SLC8A1: variants seen among roughly 807,000 people sequenced by gnomAD.
SLC8A1 encodes solute carrier family 8 member A1.
In SLC8A1, 18 loss-of-function variants were observed where a neutral mutation model predicts 68.3. The observed-to-expected ratio is 0.26, with a 90% CI of 0.18 to 0.39. SLC8A1 has a LOEUF of 0.39. SLC8A1 is among the 10% of genes least tolerant of loss of function. The pLI is 1.00. For missense variants in SLC8A1, 985 were observed against 1,156.7 expected (o/e 0.85, Z 2.15); for synonymous variants, 475 against 415.5 (o/e 1.14, Z -1.74).
intron 3 of SLC8A1, among the ~76,000 whole-genome samples, chr2:40,176,897 T>A (rs528294279): frequency 3.7e-4 from 57 of 152,278 alleles, no homozygotes; most frequent in Non-Finnish European, 7.1e-4. Context: ...CATTAGAGGA[T>A]AATTATATGA....
At chr2:40,176,719 A>AT (rs1221268296) in intron 3 of SLC8A1, among the ~76,000 whole-genome samples, 2 of 152,122 alleles carry the variant, frequency 1.3e-5, no homozygotes, top group Non-Finnish European at 2.9e-5. Flanking sequence ...TATATATTTT[A>AT]TTTTTCCCTC....
intron 2 of SLC8A1, among the ~76,000 whole-genome samples, chr2:40,396,008 G>A (rs1686783133): frequency 6.6e-6 from 1 of 152,046 alleles, no homozygotes; most frequent in Non-Finnish European, 1.5e-5. Context: ...AAAACACTTG[G>A]CTATGCATTT....
intron 2 of SLC8A1, among the ~76,000 whole-genome samples, chr2:40,201,495 T>C (rs2148712043): frequency 6.6e-6 from 1 of 152,016 alleles, no homozygotes; most frequent in Middle Eastern, 3.4e-3. Context: ...CACAGCAAAA[T>C]TATCTCCAGT....
chr2:40,156,704 C>G, intron 6 of SLC8A1, among the ~76,000 whole-genome samples: 2 of 152,050 alleles, frequency 1.3e-5, no homozygotes, highest in East Asian at 3.8e-4. Flanking sequence ...CTATTTCAAG[C>G]TGCGGCTCCA....
At chr2:40,245,454 T>C (rs1205210961) in intron 2 of SLC8A1, among the ~76,000 whole-genome samples, 1 of 152,208 alleles carries the variant, frequency 6.6e-6, no homozygotes, top group Non-Finnish European at 1.5e-5. Context: ...TTAGTGGCAT[T>C]TTCTCAGGAC....
intron 2 of SLC8A1, among the ~76,000 whole-genome samples, chr2:40,333,502 T>C (rs2076652259): frequency 6.8e-6 from 1 of 148,136 alleles, no homozygotes; most frequent in African/African-American, 2.5e-5. Context: ...CAAGCTAGCA[T>C]AAGAATGTTG....
intron 2 of SLC8A1, among the ~76,000 whole-genome samples, chr2:40,423,412 T>G (rs947816428): frequency 6.6e-6 from 1 of 152,074 alleles, no homozygotes; most frequent in Admixed American, 6.6e-5. Flanking sequence ...GGAGCATATT[T>G]TTTCTATTTC....
rs1339963445 is a variant in SLC8A1 at position 40,307,643 on chromosome 2, A to G, written c.1808+120830T>C. On this transcript the variant is annotated intron_variant, in intron 2 of 7. Transcript: ENST00000406785. ...AGCATTAGAATTTGGCTAAAGGGGT[A>G]CAGTCTCTGATGAGACTTCTTTACA... Among the ~76,000 whole-genome samples, 3 of 152,332 alleles carry G rather than the reference A, an allele frequency of 2.0e-5. No homozygotes were observed. In the East Asian group the frequency reaches 5.8e-4, roughly 29 times the overall value.
intron 1 of SLC8A1, among the ~76,000 whole-genome samples, chr2:40,432,809 T>C (rs1302854772): frequency 1.3e-5 from 2 of 152,040 alleles, no homozygotes; most frequent in Non-Finnish European, 2.9e-5. Flanking sequence ...GCTGGTTCAG[T>C]GCAGAAAAGA....
intron 2 of SLC8A1, among the ~76,000 whole-genome samples, chr2:40,302,167 G>C (rs372848512): frequency 6.6e-6 from 1 of 151,684 alleles, no homozygotes; most frequent in Admixed American, 6.6e-5. Flanking sequence ...AGTGTGCTGG[G>C]ATTACAGGTG....
chr2:40,408,350 G>A (rs577570221), intron 2 of SLC8A1, among the ~76,000 whole-genome samples: 3 of 152,152 alleles, frequency 2.0e-5, no homozygotes, highest in South Asian at 2.1e-4. Context: ...TGATAAATTA[G>A]CTTAGACTGT....
At chr2:40,114,939 C>G (rs376135853) in exon 8 of SLC8A1, 11 of 171,882 alleles carry the variant, frequency 6.4e-5, no homozygotes, top group African/African-American at 2.6e-4. Context: ...AACTACCTCC[C>G]CAGCTCCACT....
intron 2 of SLC8A1, among the ~76,000 whole-genome samples, chr2:40,232,548 T>C (rs1348179655): frequency 1.3e-5 from 2 of 151,922 alleles, no homozygotes; most frequent in East Asian, 3.9e-4. Flanking sequence ...TGAATGGCCT[T>C]TGTGGAAGCA....
chr2:40,194,498 T>G (rs1558696811), intron 2 of SLC8A1, among the ~76,000 whole-genome samples: 1 of 146,432 alleles, frequency 6.8e-6, no homozygotes, highest in Non-Finnish European at 1.5e-5. Flanking sequence ...TGTGTGTGTG[T>G]GTGTGTGTGC....
upstream of SLC8A1, among the ~76,000 whole-genome samples, chr2:40,456,064 C>T (rs1702991846): frequency 6.6e-6 from 1 of 152,160 alleles, no homozygotes; most frequent in Non-Finnish European, 1.5e-5. Context: ...CGCCTGTAAT[C>T]CCAGCACTTT....
intron 2 of SLC8A1, among the ~76,000 whole-genome samples, chr2:40,291,509 C>T (rs911863834): frequency 5.3e-5 from 8 of 152,078 alleles, no homozygotes; most frequent in Admixed American, 4.6e-4. Flanking sequence ...TGATCCGCTC[C>T]CATTTTTAGA....
intron 2 of SLC8A1, among the ~76,000 whole-genome samples, chr2:40,313,529 T>C (rs2149314545): frequency 6.6e-6 from 1 of 152,152 alleles, no homozygotes; most frequent in South Asian, 2.1e-4. Flanking sequence ...GCAGTGTAGT[T>C]GAGTTTGGGT....
At chr2:40,100,648 T>C (rs946817073) in exon 8 of SLC8A1, 1 of 152,130 alleles carries the variant, frequency 6.6e-6, no homozygotes, top group African/African-American at 2.4e-5. Context: ...GGAGTGACTG[T>C]GATTTCGTTA....
At chr2:40,099,756 A>T (rs909736581) in exon 8 of SLC8A1, 1 of 151,960 alleles carries the variant, frequency 6.6e-6, no homozygotes, top group African/African-American at 2.4e-5. Flanking sequence ...TCAGTTTACT[A>T]TCAAAATTGT....
Sources: gnomAD v4.1 joint callset for allele counts (sites outside exome capture counted in the v4.1 genomes callset) on GRCh38, gnomAD v4.1.1 for gene constraint, MANE v1.5 for transcripts, NCBI Gene and HGNC (gene_info 2026-07-23, HGNC 2026-07-21) for gene names.